CAMTA1: variants seen among roughly 807,000 people sequenced by gnomAD.
CAMTA1 encodes the protein calmodulin binding transcription activator 1.
In CAMTA1, 27 loss-of-function variants were observed where a neutral mutation model predicts 170.9. That is an observed-to-expected ratio of 0.16 (90% CI 0.12 to 0.22). The LOEUF is 0.22. CAMTA1 is among the 10% of genes least tolerant of loss of function. The pLI, the probability that CAMTA1 is intolerant of heterozygous loss-of-function variation, is 1.00. For synonymous variants in CAMTA1, 833 were observed against 891.5 expected, an observed-to-expected ratio of 0.93 and a Z score of 1.17; for missense variants, 1,619 against 2,217.2, an observed-to-expected ratio of 0.73 and a Z score of 5.42.
At chr1:6,939,052 TG>T in intron 3 of CAMTA1, among the ~76,000 whole-genome samples, 1 of 152,326 alleles carries the variant, frequency 6.6e-6, no homozygotes, top group South Asian at 2.1e-4. Context: ...AGCATGAATG[TG>T]GCTTGGGAAA....
At chr1:7,233,244 G>A (rs1367151379) in intron 4 of CAMTA1, among the ~76,000 whole-genome samples, 1 of 152,162 alleles carries the variant, frequency 6.6e-6, no homozygotes, top group Non-Finnish European at 1.5e-5. Context: ...CAAGTGAGGG[G>A]CCACGGAAGC....
chr1:7,533,290 CCCTCTGCAGGCAGCTG>C (rs2094512567), intron 6 of CAMTA1, among the ~76,000 whole-genome samples: 2 of 152,212 alleles, frequency 1.3e-5, no homozygotes, highest in Non-Finnish European at 2.9e-5. Context: ...GCCGGCTGTG[CCCTCTGCAGGCAGCTG>C]ACAGAAGAGA....
At chr1:6,925,150 G>C (rs1260653591) in intron 3 of CAMTA1, among the ~76,000 whole-genome samples, 1 of 152,242 alleles carries the variant, frequency 6.6e-6, no homozygotes, top group East Asian at 1.9e-4. Context: ...CCTGAGCATG[G>C]GGACTTGGAG....
At chr1:7,372,256 T>C (rs1201940295) in intron 5 of CAMTA1, among the ~76,000 whole-genome samples, 1 of 152,194 alleles carries the variant, frequency 6.6e-6, no homozygotes, top group African/African-American at 2.4e-5. Flanking sequence ...TCGTGCAATA[T>C]GGGTGAGGCC....
At chr1:6,864,319 C>T (rs142285489) in intron 3 of CAMTA1, among the ~76,000 whole-genome samples, 38 of 152,284 alleles carry the variant, frequency 2.5e-4, no homozygotes, top group African/African-American at 8.4e-4. Context: ...ATTGCCTGTG[C>T]GCAGACGGTA....
intron 3 of CAMTA1, among the ~76,000 whole-genome samples, chr1:7,079,937 ATAGAG>A (rs1437338548): frequency 6.6e-6 from 1 of 152,202 alleles, no homozygotes; most frequent in Non-Finnish European, 1.5e-5. Flanking sequence ...AAAATTCCGT[ATAGAG>A]TAAATTATCC....
chr1:7,687,635 C>T (rs1228114697), intron 11 of CAMTA1, among the ~76,000 whole-genome samples: 1 of 152,216 alleles, frequency 6.6e-6, no homozygotes, highest in Admixed American at 6.5e-5. Flanking sequence ...CCGTCCCCTG[C>T]TTTTCCCATC....
intron 3 of CAMTA1, among the ~76,000 whole-genome samples, chr1:6,927,824 C>T (rs1467606380): frequency 6.6e-6 from 1 of 152,210 alleles, no homozygotes; most frequent in East Asian, 1.9e-4. Flanking sequence ...CCTCAGGCAG[C>T]CTTGGTGCAC....
intron 5 of CAMTA1, among the ~76,000 whole-genome samples, chr1:7,318,527 C>T (rs1007220595): frequency 3.9e-5 from 6 of 152,182 alleles, no homozygotes; most frequent in East Asian, 1.9e-4. Context: ...TCTGATTTTT[C>T]GCCTCCATCT....
At chr1:6,885,438 A>G (rs1672938252) in intron 3 of CAMTA1, among the ~76,000 whole-genome samples, 1 of 152,240 alleles carries the variant, frequency 6.6e-6, no homozygotes, top group Non-Finnish European at 1.5e-5. Context: ...TAGAATGCTC[A>G]AACCATCCAA....
intron 3 of CAMTA1, among the ~76,000 whole-genome samples, chr1:6,854,021 G>A (rs994499629): frequency 2.6e-5 from 4 of 152,150 alleles, no homozygotes; most frequent in Non-Finnish European, 5.9e-5. Context: ...TAAGGACATA[G>A]AAGATTTCCA....
At chr1:6,798,841 C>A (rs1481618749) in intron 1 of CAMTA1, among the ~76,000 whole-genome samples, 1 of 151,958 alleles carries the variant, frequency 6.6e-6, no homozygotes, top group African/African-American at 2.4e-5. Flanking sequence ...CATGATCCGT[C>A]CGCCTCTGCC....
intron 11 of CAMTA1, among the ~76,000 whole-genome samples, chr1:7,707,827 C>T (rs116549877): frequency 0.015 from 2,347 of 152,304 alleles, 55 homozygotes; most frequent in African/African-American, 0.053. Context: ...TGGAGACCTT[C>T]AGTTAGAGTC....
chr1:7,026,992 A>G (rs1702109963), intron 3 of CAMTA1, among the ~76,000 whole-genome samples: 1 of 151,988 alleles, frequency 6.6e-6, no homozygotes, highest in South Asian at 2.1e-4. Context: ...CTTCCCAAAA[A>G]TGTCTTATCT....
chr1:7,186,068 A>G (rs1019963647), intron 4 of CAMTA1, among the ~76,000 whole-genome samples: 2 of 152,180 alleles, frequency 1.3e-5, no homozygotes, highest in Non-Finnish European at 2.9e-5. Flanking sequence ...GAAGAGGTAC[A>G]GGGGCATCGT....
intron 5 of CAMTA1, among the ~76,000 whole-genome samples, chr1:7,452,335 C>T (rs767317189): frequency 1.1e-4 from 17 of 152,166 alleles, no homozygotes; most frequent in Non-Finnish European, 1.9e-4. Context: ...CTTGTCTGTG[C>T]CTGGGCCACG....
intron 6 of CAMTA1, among the ~76,000 whole-genome samples, chr1:7,564,653 C>T (rs1379978287): frequency 2.0e-5 from 3 of 151,568 alleles, no homozygotes; most frequent in East Asian, 1.9e-4. Context: ...TGTGTGTGTG[C>T]GTGTGACCCC....
chr1:7,017,119 G>T (rs1343704699), intron 3 of CAMTA1, among the ~76,000 whole-genome samples: 1 of 152,168 alleles, frequency 6.6e-6, no homozygotes, highest in Non-Finnish European at 1.5e-5. Context: ...AAGTTGCTAG[G>T]TAGGCCCCGA....
At position 7,760,143 on chromosome 1, in the gene CAMTA1, C is replaced by T. The variant is rs146937310; in HGVS notation, c.4989+4475C>T. 3.0e-4 allele frequency among the ~76,000 whole-genome samples: 45 copies of T among 152,296 alleles called. 1 individual carries two copies. The East Asian group carries it at 7.1e-3, about 24-fold the overall frequency. On this transcript the variant is annotated intron_variant, in intron 22 of 22. Transcript: ENST00000303635. ...GTGCAGTTATTTTACTGGAACAAAA[C>T]CTTAATTGGAGGAAGAAGAAATAAC...
Sources: allele counts gnomAD v4.1 joint callset (sites outside exome capture counted in the v4.1 genomes callset), GRCh38; gene constraint gnomAD v4.1.1; transcripts MANE v1.5; gene names NCBI Gene and HGNC (gene_info 2026-07-23, HGNC 2026-07-21).